CAPN5: variants seen among roughly 807,000 people sequenced by gnomAD.
CAPN5 encodes the protein calpain 5.
Under a neutral mutation model 73.0 loss-of-function variants are expected in CAPN5, and 54 were observed. The observed-to-expected ratio is 0.74, with a 90% confidence interval of 0.59 to 0.93. CAPN5 has a LOEUF of 0.93. CAPN5 is among the 40% of genes least tolerant of loss of function. The pLI is 0.00. For missense variants in CAPN5, 785 were observed against 882.9 expected, an observed-to-expected ratio of 0.89 and a Z score of 1.41; for synonymous variants, 335 against 356.9, an observed-to-expected ratio of 0.94 and a Z score of 0.69.
chr11:77,112,878 C>T (rs1950426440), intron 4 of CAPN5, 81 bp downstream of exon 4: 3 of 1,348,266 alleles, frequency 2.2e-6, no homozygotes, highest in Admixed American at 3.8e-5. Context: ...ATTCCGTTAG[C>T]CAGGGCTTTA....
chr11:77,096,195 TTGGGGA>T (rs1565265763), intron 3 of CAPN5, among the ~76,000 whole-genome samples: 8 of 152,160 alleles, frequency 5.3e-5, no homozygotes, highest in African/African-American at 1.2e-4. Flanking sequence ...CACCTCACAC[TTGGGGA>T]TTCTGAGCCT....
rs949697416 is a variant in CAPN5 at position 77,124,257 on chromosome 11, C to A, written c.*387C>A. The A allele has an allele frequency of 1.5e-5, 3 of 198,704 alleles. No individual in the cohort carries two copies. The highest frequency in any genetic ancestry group is 5.4e-5 in the Admixed American group (1 of 18,572). The allele number at this position is 198,704 out of a possible 1,614,324, so 12.3% of individuals were successfully genotyped here. ...GTTCTTGCCCCTCGTGTCCTAGGCC[C>A]AACCCAGCCTCCCAGACCTCACTTT... is the stretch of plus-strand genomic sequence containing the variant. On this transcript the variant is annotated 3_prime_UTR_variant, in exon 13 of 13. Transcript: ENST00000648180.
intron 11 of CAPN5, 27 bp downstream of exon 11, chr11:77,122,076 G>A (rs372967164): frequency 1.8e-5 from 24 of 1,370,942 alleles, no homozygotes; most frequent in African/African-American, 7.2e-5. Context: ...AGAGTCCCCC[G>A]GCCCTCCTGC....
In CAPN5 at chr11:77,114,387, A is replaced by G. The variant is rs1950445545; in HGVS notation, c.652A>G (p.Met218Val). Residue 218 changes from methionine (M) to valine (V), a missense_variant, in exon 5 of 13, where the codon ATG becomes GTG. Transcript: ENST00000648180. ...ETKRNQLFERMLKVHSRGGLI... is the reference protein window; with the variant it reads ...ETKRNQLFERVLKVHSRGGLI... ...TAAGAGGAACCAGCTCTTTGAGCGCATGTTAAAGGTGCACAGCCGGGGCGG... is the reference window on the plus strand; with the variant it reads ...TAAGAGGAACCAGCTCTTTGAGCGCGTGTTAAAGGTGCACAGCCGGGGCGG... 2 of 1,614,086 alleles carry G rather than the reference A, an allele frequency of 1.2e-6. No homozygotes were observed. The highest frequency in any genetic ancestry group is 1.1e-5 in the South Asian group (1 of 91,084).
intron 10 of CAPN5, 59 bp from the exon 11 acceptor site, chr11:77,121,875 C>G (rs1191650627): frequency 2.2e-6 from 2 of 890,814 alleles, no homozygotes; most frequent in Non-Finnish European, 3.4e-6. Flanking sequence ...ACCCCCTCTT[C>G]ACCCCTGTCT....
At chr11:77,071,153 G>A (rs1473292417) in intron 1 of CAPN5, among the ~76,000 whole-genome samples, 1 of 151,812 alleles carries the variant, frequency 6.6e-6, no homozygotes, top group Non-Finnish European at 1.5e-5. Flanking sequence ...AGTGCCCACC[G>A]AGGCTGGCTT....
At chr11:77,120,296 C>T (rs1288335430) in intron 9 of CAPN5, 2 of 155,126 alleles carry the variant, frequency 1.3e-5, no homozygotes, top group Admixed American at 6.5e-5. Context: ...GTTCCTCCCA[C>T]CTTGGCCTCC....
chr11:77,096,781 G>C, intron 3 of CAPN5, among the ~76,000 whole-genome samples: 1 of 152,354 alleles, frequency 6.6e-6, no homozygotes, highest in East Asian at 1.9e-4. Flanking sequence ...AGCCGGGCCT[G>C]GGCCCAGGAG....
chr11:77,103,530 T>C (rs1950311891), intron 3 of CAPN5, among the ~76,000 whole-genome samples: 1 of 152,188 alleles, frequency 6.6e-6, no homozygotes, highest in Non-Finnish European at 1.5e-5. Context: ...AAGAAGATTC[T>C]GAGGCTCCAT....
chr11:77,122,543 A>ACCCC, intron 11 of CAPN5, 33 bp from the exon 12 acceptor site: 3 of 459,850 alleles, frequency 6.5e-6, no homozygotes, highest in Admixed American at 3.6e-5. Flanking sequence ...CCCCACCCCC[A>ACCCC]CCCTCACCCC....
chr11:77,112,181 G>A lies in CAPN5; in HGVS notation c.298-408G>A, dbSNP rs115818355. Among the ~76,000 whole-genome samples the A allele has an allele frequency of 3.4e-3, 519 of 152,216 alleles. 1 individual carries two copies. Among genetic ancestry groups the A allele is most frequent in the African/African-American group, 0.012 (478 of 41,532 alleles). On this transcript the variant is annotated intron_variant, in intron 3 of 12. Transcript: ENST00000648180. ...AGAATGGAGGCGCTCAGATTGGGCT[G>A]ACTGGATGGAGGGAGGGAAAGCAAA...
chr11:77,070,288 G>T (rs1416496464), intron 1 of CAPN5, among the ~76,000 whole-genome samples: 1 of 152,204 alleles, frequency 6.6e-6, no homozygotes, highest in Non-Finnish European at 1.5e-5. Flanking sequence ...CCCATCCACT[G>T]GTCCCCAGCT....
At chr11:77,067,878 A>G (rs1406930123) in intron 1 of CAPN5, among the ~76,000 whole-genome samples, 1 of 152,012 alleles carries the variant, frequency 6.6e-6, no homozygotes. Context: ...TTCCATACAG[A>G]TCAGAAGAGT....
At chr11:77,109,206 A>G (rs1555040389) in intron 3 of CAPN5, among the ~76,000 whole-genome samples, 1 of 152,206 alleles carries the variant, frequency 6.6e-6, no homozygotes, top group Non-Finnish European at 1.5e-5. Flanking sequence ...ACCACTGCCT[A>G]AATTCATTCA....
At chr11:77,120,454 C>G in intron 9 of CAPN5, 1 of 418,446 alleles carries the variant, frequency 2.4e-6, no homozygotes. Context: ...GCAACCATCA[C>G]CACAATCAAC....
chr11:77,082,232 G>C (rs564012115), intron 1 of CAPN5, among the ~76,000 whole-genome samples: 3 of 152,126 alleles, frequency 2.0e-5, no homozygotes, highest in Non-Finnish European at 4.4e-5. Context: ...GTGGAGAATG[G>C]TGGGGATGAG....
chr11:77,099,690 A>G (rs1437594352), intron 3 of CAPN5, among the ~76,000 whole-genome samples: 2 of 150,068 alleles, frequency 1.3e-5, no homozygotes, highest in Non-Finnish European at 3.0e-5. Flanking sequence ...CTTCGGCTCC[A>G]CATGAGAGGG....
intron 1 of CAPN5, among the ~76,000 whole-genome samples, chr11:77,076,082 C>T (rs1555033885): frequency 6.6e-6 from 1 of 152,134 alleles, no homozygotes; most frequent in Non-Finnish European, 1.5e-5. Flanking sequence ...CTACTCTCGG[C>T]CGGGCGCAGT....
In CAPN5 at chr11:77,112,610, C is replaced by G; in HGVS notation, c.319C>G (p.Gln107Glu). ...CCAGGTCATCCCAGACTGGAAGGAGCAGGAATGGGACCCCGAAAAGCCCAA... is the reference window on the plus strand; with the variant it reads ...CCAGGTCATCCCAGACTGGAAGGAGGAGGAATGGGACCCCGAAAAGCCCAA... ...WQKVIPDWKE[Q>E]EWDPEKPNAY... Residue 107 changes from glutamine to glutamate, a missense_variant, in exon 4 of 13, where the codon CAG (glutamine) becomes GAG (glutamate). Coordinates refer to ENST00000648180, the MANE Select transcript of CAPN5 (RefSeq NM_004055.5). The G allele has an allele frequency of 6.2e-7, 1 of 1,613,998 alleles. No homozygotes were observed. The highest frequency in any genetic ancestry group is 8.5e-7 in the Non-Finnish European group (1 of 1,179,988).
Sources: gnomAD v4.1 joint callset for allele counts (sites outside exome capture counted in the v4.1 genomes callset) on GRCh38, gnomAD v4.1.1 for gene constraint, MANE v1.5 for transcripts, NCBI Gene and HGNC (gene_info 2026-07-23, HGNC 2026-07-21) for gene names.